The following PHACTR1 variants were observed in gnomAD, a reference collection of about 807,000 sequenced individuals.
PHACTR1 encodes phosphatase and actin regulator 1, also known as RPEL repeat containing 1.
In PHACTR1, 16 loss-of-function variants were observed where a neutral mutation model predicts 69.2. The ratio of observed to expected loss-of-function variants is 0.23; its 90% CI spans 0.16 to 0.35. PHACTR1 has a LOEUF of 0.35. PHACTR1 is among the 10% of genes least tolerant of loss of function. The pLI is 1.00. For synonymous variants in PHACTR1, 312 were observed against 284.5 expected, an observed-to-expected ratio of 1.10 and a Z score of -0.97; for missense variants, 510 against 734.7, an observed-to-expected ratio of 0.69 and a Z score of 3.54.
chr6:13,171,461 A>G (rs1438971908), intron 6 of PHACTR1, among the ~76,000 whole-genome samples: 1 of 152,234 alleles, frequency 6.6e-6, no homozygotes, highest in African/African-American at 2.4e-5. Flanking sequence ...GCATACATGT[A>G]AGGCCCATGG....
intron 4 of PHACTR1, among the ~76,000 whole-genome samples, chr6:12,785,450 T>G (rs1424198616): frequency 2.0e-5 from 3 of 152,248 alleles, no homozygotes; most frequent in Non-Finnish European, 4.4e-5. Context: ...TTACGTCTTA[T>G]GCCTGGATGT....
intron 4 of PHACTR1, among the ~76,000 whole-genome samples, chr6:12,942,885 G>A (rs188012540): frequency 4.1e-4 from 63 of 152,250 alleles, no homozygotes; most frequent in Non-Finnish European, 6.3e-4. Context: ...CATTTCAGCA[G>A]GTATAGATCT....
chr6:13,062,359 G>A (rs987524683), intron 5 of PHACTR1, among the ~76,000 whole-genome samples: 3 of 152,082 alleles, frequency 2.0e-5, no homozygotes, highest in Non-Finnish European at 4.4e-5. Flanking sequence ...TGGGCTGTTA[G>A]CCAACCACTT....
intron 4 of PHACTR1, among the ~76,000 whole-genome samples, chr6:13,031,661 T>G (rs1451223226): frequency 6.6e-6 from 1 of 152,240 alleles, no homozygotes; most frequent in Admixed American, 6.5e-5. Context: ...AGGACACCTT[T>G]CCAGGTAAAT....
At chr6:12,724,615 T>C (rs1762548558) in intron 3 of PHACTR1, among the ~76,000 whole-genome samples, 1 of 152,172 alleles carries the variant, frequency 6.6e-6, no homozygotes, top group Admixed American at 6.5e-5. Context: ...AGGCAACCTC[T>C]CATCTAGTTA....
intron 4 of PHACTR1, among the ~76,000 whole-genome samples, chr6:12,974,726 G>T (rs1794657730): frequency 6.6e-6 from 1 of 152,138 alleles, no homozygotes; most frequent in African/African-American, 2.4e-5. Context: ...TGGGGTTTGG[G>T]GTTTCCAAAA....
chr6:12,844,892 C>T (rs1328699513), intron 4 of PHACTR1, among the ~76,000 whole-genome samples: 1 of 152,084 alleles, frequency 6.6e-6, no homozygotes, highest in Non-Finnish European at 1.5e-5. Context: ...CTGCTTAGCC[C>T]TCTAGTGGTG....
chr6:13,283,923 A>G lies in PHACTR1; in HGVS notation c.1650+361A>G, dbSNP rs9367406. 11,590 of 240,916 alleles carry G rather than the reference A, an allele frequency of 0.048. 601 individuals carry two copies. Among genetic ancestry groups the G allele is most frequent in the African/African-American group, 0.15 (6,533 of 44,952 alleles). The allele number at this position is 240,916 out of a possible 1,614,324, so 14.9% of individuals were successfully genotyped here. ...TAGGGGATGGTGCTGCCGGCATCCAACGAGGGATTCACCAAACCAAAAGAG... is the reference window on the plus strand; with the variant it reads ...TAGGGGATGGTGCTGCCGGCATCCAGCGAGGGATTCACCAAACCAAAAGAG... On this transcript the variant is annotated intron_variant, in intron 13 of 14. Coordinates refer to ENST00000332995, the MANE Select transcript of PHACTR1 (RefSeq NM_030948.6). The surrounding 1 kb of genome is among the most constrained non-coding windows in gnomAD (Gnocchi z 4.7).
intron 4 of PHACTR1, among the ~76,000 whole-genome samples, chr6:13,019,072 A>ATTTT (rs780505347): frequency 1.0e-4 from 15 of 144,710 alleles, no homozygotes; most frequent in East Asian, 6.0e-4. Flanking sequence ...ATATATATAT[A>ATTTT]TATTTTTTCT....
Position 12,870,090 on chromosome 6 carries a change from T to C in PHACTR1, c.250+120300T>C, listed in dbSNP as rs549120315. On this transcript the variant is annotated intron_variant, in intron 4 of 14. Coordinates refer to ENST00000332995, the MANE Select transcript of PHACTR1 (RefSeq NM_030948.6). ...AAAGAGGAGAAGCAAATTAGCTGGC[T>C]GAATGATCACTGTGGATGAATAAGG... Among the ~76,000 whole-genome samples the C allele has an allele frequency of 4.0e-5, 6 of 151,756 alleles. No homozygotes were observed. The South Asian group carries it at 1.3e-3, about 32-fold the overall frequency.
rs147664244 is a variant in PHACTR1, at chr6:12,762,937, G to T, written c.250+13147G>T. Among the ~76,000 whole-genome samples, 753 of 152,242 alleles carry T rather than the reference G, an allele frequency of 4.9e-3. 6 individuals carry two copies. The highest frequency in any genetic ancestry group is 0.016 in the African/African-American group (670 of 41,528). ...GTTTCATAGAACAGCAGTCAGGCTG[G>T]GTGCGATGACTCACGCCTGGAATCC... On this transcript the variant is annotated intron_variant, in intron 4 of 14. Transcript: ENST00000332995.
At position 13,114,899 on chromosome 6, in the gene PHACTR1, A is replaced by G. The variant is rs116231080; in HGVS notation, c.416-45305A>G. Among the ~76,000 whole-genome samples, 589 of 152,364 alleles carry G rather than the reference A, an allele frequency of 3.9e-3. 3 individuals are homozygous for G. Among genetic ancestry groups the G allele is most frequent in the African/African-American group, 0.013 (558 of 41,588 alleles). ...AGTGCACATTTTTTGAGCACTTACT[A>G]TATCCCAGACTTGGTGCTAAGTAAA... On this transcript the variant is annotated intron_variant, in intron 5 of 14. Coordinates refer to ENST00000332995, the MANE Select transcript of PHACTR1 (RefSeq NM_030948.6).
intron 4 of PHACTR1, among the ~76,000 whole-genome samples, chr6:12,853,510 C>G (rs1780032062): frequency 6.6e-6 from 1 of 152,174 alleles, no homozygotes; most frequent in African/African-American, 2.4e-5. Flanking sequence ...ATGAAGGGAA[C>G]AGAGAGGGTG....
chr6:13,152,203 G>A (rs1824418091), intron 5 of PHACTR1, among the ~76,000 whole-genome samples: 1 of 152,036 alleles, frequency 6.6e-6, no homozygotes, highest in African/African-American at 2.4e-5. Flanking sequence ...GCGTGGTGGT[G>A]GGTGCCTGTA....
intron 4 of PHACTR1, among the ~76,000 whole-genome samples, chr6:13,017,197 AAAAAAAAAAAAT>A (rs1800310609): frequency 6.6e-6 from 1 of 151,216 alleles, no homozygotes; most frequent in African/African-American, 2.4e-5. Flanking sequence ...AAAAAAAAAA[AAAAAAAAAAAAT>A]GCATCAACAA....
At chr6:12,944,446 T>C (rs1790382440) in intron 4 of PHACTR1, among the ~76,000 whole-genome samples, 1 of 152,214 alleles carries the variant, frequency 6.6e-6, no homozygotes, top group Non-Finnish European at 1.5e-5. Context: ...TCTGCTAATC[T>C]TTTCATTTAA....
At chr6:13,160,547 G>A (rs573528924) in intron 6 of PHACTR1, among the ~76,000 whole-genome samples, 21 of 152,278 alleles carry the variant, frequency 1.4e-4, no homozygotes, top group South Asian at 6.2e-4. Context: ...ATGTGGCCCC[G>A]GGAATGATGC....
intron 4 of PHACTR1, among the ~76,000 whole-genome samples, chr6:12,799,133 A>G (rs1437243417): frequency 2.6e-5 from 4 of 152,174 alleles, no homozygotes; most frequent in Non-Finnish European, 4.4e-5. Flanking sequence ...ATGAATATCT[A>G]TTTTTTAATT....
At chr6:12,981,231 T>C (rs375648800) in intron 4 of PHACTR1, among the ~76,000 whole-genome samples, 2 of 152,210 alleles carry the variant, frequency 1.3e-5, no homozygotes, top group Non-Finnish European at 2.9e-5. Flanking sequence ...ATAAATATAA[T>C]AGTATAAAAT....
Sources: gnomAD v4.1 joint callset for allele counts (sites outside exome capture counted in the v4.1 genomes callset) on GRCh38, gnomAD v4.1.1 for gene constraint, Gnocchi (gnomAD v3.1) non-coding constraint, MANE v1.5 for transcripts, NCBI Gene and HGNC (gene_info 2026-07-23, HGNC 2026-07-21) for gene names.